Variants in UBE2E2 observed in about 807,000 individuals in gnomAD.
UBE2E2 encodes ubiquitin-conjugating enzyme E2 E2.
Under a neutral mutation model 24.7 loss-of-function variants are expected in UBE2E2, and 6 were observed. The ratio of observed to expected loss-of-function variants is 0.24; its 90% confidence interval spans 0.13 to 0.48. The LOEUF is 0.48. Ranked by LOEUF, UBE2E2 falls within the 20% of genes least tolerant of loss-of-function variation. The pLI is 0.99. For synonymous variants in UBE2E2, 104 were observed against 83.6 expected, an observed-to-expected ratio of 1.24 and a Z score of -1.33; for missense variants, 169 against 245.0, an observed-to-expected ratio of 0.69 and a Z score of 2.07.
At chr3:23,294,929 G>C (rs911826664) in intron 3 of UBE2E2, among the ~76,000 whole-genome samples, 2 of 151,942 alleles carry the variant, frequency 1.3e-5, no homozygotes, top group African/African-American at 4.8e-5. Context: ...CAATCATTCT[G>C]CCTAATACAG....
rs75118778 is a variant in UBE2E2 at position 23,527,361 on chromosome 3, A to G, written c.361-5193A>G. On this transcript the variant is annotated intron_variant, in intron 4 of 5. Transcript: ENST00000396703. Reference sequence around the variant, plus strand: ...ATGTTCACACAAAACACATACACAGATGTTCATAGCAGCTTTATTTGTAAT... The same window carrying G: ...ATGTTCACACAAAACACATACACAGGTGTTCATAGCAGCTTTATTTGTAAT... Among the ~76,000 whole-genome samples the G allele has an allele frequency of 6.6e-3, 1,005 of 152,350 alleles. 8 individuals are homozygous for G. Among genetic ancestry groups the G allele is most frequent in the African/African-American group, 0.023 (936 of 41,580 alleles).
intron 3 of UBE2E2, among the ~76,000 whole-genome samples, chr3:23,265,316 T>G (rs1698016424): frequency 6.6e-6 from 1 of 152,036 alleles, no homozygotes; most frequent in African/African-American, 2.4e-5. Flanking sequence ...GAAGTTAGGG[T>G]GTCTTTCTCA....
intron 3 of UBE2E2, among the ~76,000 whole-genome samples, chr3:23,479,897 G>A (rs779999228): frequency 1.3e-5 from 2 of 152,176 alleles, no homozygotes; most frequent in Non-Finnish European, 2.9e-5. Context: ...TCCATGGGCT[G>A]TCACGGGTGG....
intron 3 of UBE2E2, among the ~76,000 whole-genome samples, chr3:23,312,503 C>G (rs1468892773): frequency 4.0e-5 from 6 of 151,830 alleles, no homozygotes; most frequent in Admixed American, 6.6e-5. Context: ...GTTAACCATC[C>G]CACGTTTCCC....
intron 3 of UBE2E2, among the ~76,000 whole-genome samples, chr3:23,329,710 T>C (rs1307512290): frequency 6.6e-6 from 1 of 152,252 alleles, no homozygotes; most frequent in Non-Finnish European, 1.5e-5. Flanking sequence ...CCATCAAGGC[T>C]TAGCTGTAGT....
intron 5 of UBE2E2, among the ~76,000 whole-genome samples, chr3:23,577,472 G>A (rs1559427644): frequency 6.6e-6 from 1 of 152,140 alleles, no homozygotes; most frequent in Non-Finnish European, 1.5e-5. Flanking sequence ...TGTGAAGGCC[G>A]AGAGGTGAGG....
At chr3:23,268,864 A>G (rs538042537) in intron 3 of UBE2E2, among the ~76,000 whole-genome samples, 2 of 152,260 alleles carry the variant, frequency 1.3e-5, no homozygotes, top group Middle Eastern at 3.4e-3. Flanking sequence ...GATATAGATC[A>G]ATGGAACAGA....
At chr3:23,316,117 C>G (rs972404288) in intron 3 of UBE2E2, among the ~76,000 whole-genome samples, 1 of 152,122 alleles carries the variant, frequency 6.6e-6, no homozygotes, top group African/African-American at 2.4e-5. Context: ...TCCCCTGTAA[C>G]CACTGACTGG....
intron 3 of UBE2E2, among the ~76,000 whole-genome samples, chr3:23,411,975 G>A (rs1450479266): frequency 2.0e-5 from 3 of 152,102 alleles, no homozygotes; most frequent in African/African-American, 4.8e-5. Context: ...GTATATAAGT[G>A]TAGAGAGAAG....
At chr3:23,508,118 T>G (rs1694496709) in intron 4 of UBE2E2, among the ~76,000 whole-genome samples, 1 of 152,216 alleles carries the variant, frequency 6.6e-6, no homozygotes. Context: ...TTTTGGTCCG[T>G]GCTCCTTTTG....
intron 5 of UBE2E2, among the ~76,000 whole-genome samples, chr3:23,587,273 T>TA (rs1559431079): frequency 6.6e-6 from 1 of 152,240 alleles, no homozygotes; most frequent in African/African-American, 2.4e-5. Flanking sequence ...TAACAGTTGA[T>TA]ATGACACATT....
chr3:23,434,045 A>G (rs1257744192), intron 3 of UBE2E2, among the ~76,000 whole-genome samples: 1 of 152,216 alleles, frequency 6.6e-6, no homozygotes, highest in East Asian at 1.9e-4. Context: ...TCTGCAGCTA[A>G]TATGCACTGT....
At chr3:23,335,715 G>A (rs1695187532) in intron 3 of UBE2E2, among the ~76,000 whole-genome samples, 1 of 151,942 alleles carries the variant, frequency 6.6e-6, no homozygotes, top group Admixed American at 6.6e-5. Context: ...TAAAATTTTT[G>A]TAGAGATGGG....
chr3:23,306,896 A>T (rs959804172), intron 3 of UBE2E2, among the ~76,000 whole-genome samples: 4 of 152,214 alleles, frequency 2.6e-5, no homozygotes, highest in African/African-American at 9.6e-5. Context: ...ACCAGATTCT[A>T]TTATTAAACA....
chr3:23,338,724 C>A (rs1695284594), intron 3 of UBE2E2, among the ~76,000 whole-genome samples: 1 of 151,958 alleles, frequency 6.6e-6, no homozygotes, highest in African/African-American at 2.4e-5. Flanking sequence ...ATTAGGGACA[C>A]TTTGAGCACT....
At chr3:23,481,813 G>A (rs566300417) in intron 3 of UBE2E2, among the ~76,000 whole-genome samples, 78 of 152,300 alleles carry the variant, frequency 5.1e-4, no homozygotes, top group Non-Finnish European at 9.4e-4. Context: ...GATAGCCGAC[G>A]TTGACAGGAA....
chr3:23,328,066 A>ATG (rs1694951909), intron 3 of UBE2E2, among the ~76,000 whole-genome samples: 4 of 144,844 alleles, frequency 2.8e-5, no homozygotes, highest in African/African-American at 7.6e-5. Context: ...TGGTCATGAT[A>ATG]TATAAATACT....
At chr3:23,414,082 G>A (rs1697563455) in intron 3 of UBE2E2, among the ~76,000 whole-genome samples, 1 of 152,078 alleles carries the variant, frequency 6.6e-6, no homozygotes. Context: ...GGAATAAACA[G>A]GACCCAAATG....
chr3:23,541,898 A>G (rs1695403858), intron 5 of UBE2E2, among the ~76,000 whole-genome samples: 1 of 152,198 alleles, frequency 6.6e-6, no homozygotes, highest in African/African-American at 2.4e-5. Flanking sequence ...TTGTGACCAC[A>G]TGTGTACTCC....
Sources: allele counts gnomAD v4.1 joint callset (sites outside exome capture counted in the v4.1 genomes callset), GRCh38; gene constraint gnomAD v4.1.1; transcripts MANE v1.5; gene names NCBI Gene and HGNC (gene_info 2026-07-23, HGNC 2026-07-21).